TMEM244: variants seen among roughly 807,000 people sequenced by gnomAD.
TMEM244 encodes the protein transmembrane protein 244.
A neutral mutation model predicts 15.8 loss-of-function variants in TMEM244; 13 were observed. The observed-to-expected ratio is 0.82, with a 90% confidence interval of 0.53 to 1.30. The LOEUF is 1.30. Ranked by LOEUF, TMEM244 falls within the 50% of genes most tolerant of loss-of-function variation. The pLI, the probability that TMEM244 is intolerant of heterozygous loss-of-function variation, is 0.00. For synonymous variants in TMEM244, 45 were observed against 48.7 expected, an observed-to-expected ratio of 0.92 and a Z score of 0.32; for missense variants, 161 against 144.9, an observed-to-expected ratio of 1.11 and a Z score of -0.57.
chr6:129,847,064 G>A (rs867615202), intron 1 of TMEM244, among the ~76,000 whole-genome samples: 1 of 152,002 alleles, frequency 6.6e-6, no homozygotes, highest in African/African-American at 2.4e-5. Flanking sequence ...TATATCACAG[G>A]AAAAGGATTG....
At chr6:129,849,814 G>A (rs891943515) in intron 1 of TMEM244, among the ~76,000 whole-genome samples, 4 of 152,080 alleles carry the variant, frequency 2.6e-5, no homozygotes, top group African/African-American at 7.2e-5. Flanking sequence ...TTATTGAGGA[G>A]GGTACAGAGT....
chr6:129,833,769 A>G (rs1397722303), intron 3 of TMEM244, among the ~76,000 whole-genome samples, 184 bp from the exon 4 acceptor site: 1 of 152,204 alleles, frequency 6.6e-6, no homozygotes, highest in African/African-American at 2.4e-5. Flanking sequence ...ATCTTTTAAC[A>G]ATTTTAAGAT....
At chr6:129,835,915 G>A (rs4483001) in intron 3 of TMEM244, among the ~76,000 whole-genome samples, 56,068 of 151,954 alleles carry the variant, frequency 0.37, 10,797 homozygotes, top group South Asian at 0.5. Context: ...CTGGAAGCAC[G>A]AACTGGGTGG....
At chr6:129,852,727 G>T (rs189280470) in intron 1 of TMEM244, among the ~76,000 whole-genome samples, 243 of 152,236 alleles carry the variant, frequency 1.6e-3, no homozygotes, top group African/African-American at 5.2e-3. Flanking sequence ...GGGTTCTACT[G>T]GGGGTTTGCC....
At chr6:129,833,659 A>G (rs1776362331) in intron 3 of TMEM244, 74 bp from the exon 4 acceptor site, 1 of 1,428,134 alleles carries the variant, frequency 7.0e-7, no homozygotes, top group Non-Finnish European at 9.4e-7. Flanking sequence ...TAGTAACAAG[A>G]CCAGGAAAGC....
intron 3 of TMEM244, among the ~76,000 whole-genome samples, chr6:129,835,171 G>T (rs939101694): frequency 6.6e-6 from 1 of 152,108 alleles, no homozygotes; most frequent in Non-Finnish European, 1.5e-5. Context: ...CGAGGTGGGA[G>T]CATCACTTGA....
chr6:129,839,624 A>G (rs867767522), intron 3 of TMEM244, among the ~76,000 whole-genome samples: 7 of 152,232 alleles, frequency 4.6e-5, no homozygotes, highest in Non-Finnish European at 1.0e-4. Context: ...AATTAGGAAA[A>G]GAGGAAGTCA....
intron 3 of TMEM244, among the ~76,000 whole-genome samples, chr6:129,843,243 T>C (rs1209971184): frequency 6.6e-6 from 1 of 152,166 alleles, no homozygotes; most frequent in Admixed American, 6.5e-5. Flanking sequence ...TTATTCTTCC[T>C]TTTCTTTAAA....
chr6:129,833,475 C>A lies in TMEM244; in HGVS notation c.304G>T (p.Ala102Ser), dbSNP rs1158268225. ...YAISVTILHVAITSTVMLEFP... is the reference protein window; with the variant it reads ...YAISVTILHVSITSTVMLEFP... The stretch of plus-strand genomic sequence containing the variant: ...TTCTGCTTACCAGTTGAAGTGATGG[C>A]AACATGAAGAATAGTGACTGAAATA... Residue 102 changes from alanine (A) to serine (S), a missense_variant, in exon 4 of 5, where the codon GCC (alanine) becomes TCC (serine). By Grantham distance (99) the Ala-to-Ser change is moderately conservative (BLOSUM62 1). Coordinates refer to ENST00000368143, the MANE Select transcript of TMEM244 (RefSeq NM_001010876.2). 1 of 1,611,416 alleles carries A rather than the reference C, an allele frequency of 6.2e-7. No individual in the cohort carries two copies. The highest frequency in any genetic ancestry group is 2.2e-5 in the East Asian group (1 of 44,694).
chr6:129,853,885 T>C (rs902722838), intron 1 of TMEM244, among the ~76,000 whole-genome samples: 8 of 152,104 alleles, frequency 5.3e-5, no homozygotes, highest in African/African-American at 1.9e-4. Context: ...CTCACTTAAC[T>C]AACTTGCCAA....
intron 3 of TMEM244, among the ~76,000 whole-genome samples, chr6:129,840,248 C>T (rs7452389): frequency 0.078 from 11,894 of 152,174 alleles, 886 homozygotes; most frequent in African/African-American, 0.19. Flanking sequence ...ACCAATGGAA[C>T]AGAACAGAGG....
intron 3 of TMEM244, among the ~76,000 whole-genome samples, chr6:129,842,600 T>G (rs1318164155): frequency 6.6e-6 from 1 of 152,004 alleles, no homozygotes; most frequent in Non-Finnish European, 1.5e-5. Context: ...TCTAATGAAT[T>G]GTATTGTTTA....
rs150499317 is a variant in TMEM244 at position 129,851,990 on chromosome 6, G to C, written c.34-6138C>G. On this transcript the variant is annotated intron_variant, in intron 1 of 4. Coordinates refer to ENST00000368143, the MANE Select transcript of TMEM244 (RefSeq NM_001010876.2). The stretch of plus-strand genomic sequence containing the variant: ...AATTATTGTTAGGTTTTTAAGGTAA[G>C]ATAATGGTATGGTGGTTTTTGTTAA... 1.8e-3 allele frequency among the ~76,000 whole-genome samples: 268 copies of C among 152,286 alleles called. 1 individual carries two copies. Among genetic ancestry groups the C allele is most frequent in the African/African-American group, 6.0e-3 (249 of 41,566 alleles).
chr6:129,843,535 T>C lies in TMEM244; in HGVS notation c.188A>G (p.Tyr63Cys). ...TTTAAAATTAAAACAATTACCTTTA[T>C]AGTTTATGTTGAGCCATGAGGGATT... ...KTNPSWLNIN[Y>C]KVLLVSTEVT... Residue 63 changes from tyrosine to cysteine, a missense_variant, in exon 3 of 5, where the codon TAT becomes TGT. Tyr to Cys is a radical substitution (Grantham distance 194, BLOSUM62 -2). Coordinates refer to ENST00000368143, the MANE Select transcript of TMEM244 (RefSeq NM_001010876.2). The C allele has an allele frequency of 1.2e-6, 2 of 1,606,946 alleles. No individual in the cohort carries two copies. The highest frequency in any genetic ancestry group is 1.7e-4 in the Middle Eastern group (1 of 6,022).
intron 1 of TMEM244, among the ~76,000 whole-genome samples, chr6:129,860,181 AT>A (rs1011729187): frequency 6.6e-6 from 1 of 151,554 alleles, no homozygotes; most frequent in African/African-American, 2.4e-5. Flanking sequence ...CCCCGACTAA[AT>A]ATAGAGCCCC....
At position 129,843,555 on chromosome 6, in the gene TMEM244, G is replaced by A. The variant is rs764342700; in HGVS notation, c.168C>T (p.Pro56=). 6.2e-7 allele frequency: 1 copy of A among 1,612,034 alleles called. No individual in the cohort carries two copies. Among genetic ancestry groups the A allele is most frequent in the African/African-American group, 1.3e-5 (1 of 74,826 alleles). The part of the protein sequence containing the change: ...VLAPFDFKTN[P]SWLNINYKVL... ...CTTTATAGTTTATGTTGAGCCATGAGGGATTTGTTTTGAAATCAAATGGAG... is the reference window on the plus strand; with the variant it reads ...CTTTATAGTTTATGTTGAGCCATGAAGGATTTGTTTTGAAATCAAATGGAG... The change falls in exon 3 of 5, where the codon CCC becomes CCT. Residue 56 remains proline, a synonymous_variant. Coordinates refer to ENST00000368143, the MANE Select transcript of TMEM244 (RefSeq NM_001010876.2).
chr6:129,838,221 T>C (rs1312369062), intron 3 of TMEM244, among the ~76,000 whole-genome samples: 1 of 152,118 alleles, frequency 6.6e-6, no homozygotes, highest in Non-Finnish European at 1.5e-5. Context: ...CAACAAACTG[T>C]CTCTCAGACT....
At chr6:129,857,161 A>G (rs1445111594) in intron 1 of TMEM244, among the ~76,000 whole-genome samples, 2 of 151,798 alleles carry the variant, frequency 1.3e-5, no homozygotes, top group Non-Finnish European at 2.9e-5. Context: ...TTGTGTTAGT[A>G]TTTTCATTGA....
At chr6:129,835,440 A>G (rs1337640595) in intron 3 of TMEM244, among the ~76,000 whole-genome samples, 1 of 151,390 alleles carries the variant, frequency 6.6e-6, no homozygotes, top group Admixed American at 6.6e-5. Context: ...GTCACTTCCA[A>G]GATGGCTGAA....
Sources: allele counts gnomAD v4.1 joint callset (sites outside exome capture counted in the v4.1 genomes callset), GRCh38; gene constraint gnomAD v4.1.1; transcripts MANE v1.5; gene names NCBI Gene and HGNC (gene_info 2026-07-23, HGNC 2026-07-21).